Variants in CDYL observed in about 807,000 individuals in gnomAD.
CDYL encodes the protein chromodomain Y like.
Under a neutral mutation model 47.3 loss-of-function variants are expected in CDYL, and 8 were observed. The ratio of observed to expected loss-of-function variants is 0.17; its 90% confidence interval spans 0.10 to 0.31. The LOEUF (loss-of-function observed/expected upper bound fraction) is 0.31, where lower values mean the gene tolerates loss of function less well. Ranked by LOEUF, CDYL falls within the 10% of genes least tolerant of loss-of-function variation. CDYL has a pLI of 1.00. For missense variants in CDYL, 471 were observed against 701.4 expected (o/e 0.67, Z 3.71); for synonymous variants, 266 against 265.0 (o/e 1.00, Z -0.04).
intron 2 of CDYL, among the ~76,000 whole-genome samples, chr6:4,732,172 A>G (rs745778744): frequency 1.8e-4 from 27 of 152,090 alleles, no homozygotes; most frequent in Non-Finnish European, 2.8e-4. Flanking sequence ...CTGTCTCTAC[A>G]AAAAGTACAA....
intron 1 of CDYL, among the ~76,000 whole-genome samples, chr6:4,891,498 C>A (rs545114011): frequency 2.0e-5 from 3 of 152,222 alleles, no homozygotes; most frequent in African/African-American, 7.2e-5. Flanking sequence ...CATATCCACA[C>A]GTTCTCAGCA....
intron 3 of CDYL, among the ~76,000 whole-genome samples, chr6:4,746,405 A>G (rs1345358586): frequency 6.6e-6 from 1 of 151,904 alleles, no homozygotes; most frequent in Non-Finnish European, 1.5e-5. Context: ...AGGGTAGAGA[A>G]TGGTTTGAAA....
At chr6:4,809,716 C>T (rs7759768) in intron 1 of CDYL, among the ~76,000 whole-genome samples, 2,105 of 98,644 alleles carry the variant, frequency 0.021, no homozygotes, top group African/African-American at 0.12. Context: ...CTTGGCGATA[C>T]TTTGTATGGT....
At chr6:4,797,386 T>G (rs377336223) in intron 1 of CDYL, among the ~76,000 whole-genome samples, 2 of 152,150 alleles carry the variant, frequency 1.3e-5, no homozygotes, top group African/African-American at 4.8e-5. Flanking sequence ...CGTGGGCTGT[T>G]TTTTCTTCCT....
intron 2 of CDYL, among the ~76,000 whole-genome samples, chr6:4,916,405 G>A (rs952792419): frequency 6.6e-6 from 1 of 152,182 alleles, no homozygotes; most frequent in Non-Finnish European, 1.5e-5. Context: ...CTATGTACTT[G>A]TGGATAATTT....
At chr6:4,709,994 G>A (rs190351629) in intron 1 of CDYL, among the ~76,000 whole-genome samples, 1 of 152,234 alleles carries the variant, frequency 6.6e-6, no homozygotes, top group Non-Finnish European at 1.5e-5. Flanking sequence ...GCCGAGGCGG[G>A]CAGATTGTCT....
chr6:4,712,753 G>GAGCAA (rs1271154455), intron 1 of CDYL, among the ~76,000 whole-genome samples: 1 of 152,214 alleles, frequency 6.6e-6, no homozygotes, highest in Non-Finnish European at 1.5e-5. Flanking sequence ...CTGGATGAGA[G>GAGCAA]AGCAAAGCAA....
intron 1 of CDYL, among the ~76,000 whole-genome samples, chr6:4,713,899 AT>A (rs1378081521): frequency 1.3e-5 from 2 of 152,128 alleles, no homozygotes; most frequent in Non-Finnish European, 2.9e-5. Flanking sequence ...AGATTCATTT[AT>A]TTTGGCTTAA....
intron 1 of CDYL, among the ~76,000 whole-genome samples, chr6:4,830,286 A>G (rs6933079): frequency 0.034 from 5,184 of 152,338 alleles, 285 homozygotes; most frequent in African/African-American, 0.11. Context: ...CTAAATATTC[A>G]TCCTTATGCC....
intron 4 of CDYL, among the ~76,000 whole-genome samples, chr6:4,940,786 GC>G (rs1758340870): frequency 6.6e-6 from 1 of 152,236 alleles, no homozygotes; most frequent in African/African-American, 2.4e-5. Context: ...CCCAAGCAGT[GC>G]CCCAGGGGCA....
At chr6:4,822,929 T>C (rs894164029) in intron 1 of CDYL, among the ~76,000 whole-genome samples, 1 of 152,194 alleles carries the variant, frequency 6.6e-6, no homozygotes, top group Non-Finnish European at 1.5e-5. Context: ...TCAGGTGCTT[T>C]AAATGAACAA....
chr6:4,796,152 C>T (rs921108332), intron 1 of CDYL, among the ~76,000 whole-genome samples: 2 of 152,062 alleles, frequency 1.3e-5, no homozygotes, highest in Non-Finnish European at 2.9e-5. Flanking sequence ...AGGCTGGTCT[C>T]GAACTCGTGA....
chr6:4,788,493 A>AT (rs1395775594), intron 1 of CDYL, among the ~76,000 whole-genome samples: 8 of 150,852 alleles, frequency 5.3e-5, no homozygotes, highest in African/African-American at 1.9e-4. Flanking sequence ...AAAAAAAAAA[A>AT]AAAAAAAAAG....
At chr6:4,833,791 C>A (rs1485806907) in intron 1 of CDYL, among the ~76,000 whole-genome samples, 2 of 151,838 alleles carry the variant, frequency 1.3e-5, no homozygotes, top group Non-Finnish European at 2.9e-5. Flanking sequence ...GGATAGTTAG[C>A]TCTTCTTGTT....
Position 4,824,635 on chromosome 6 carries a change from A to G in CDYL, c.24+47828A>G, listed in dbSNP as rs192377712. Among the ~76,000 whole-genome samples the G allele has an allele frequency of 1.8e-3, 268 of 152,242 alleles. 1 individual carries two copies. Among genetic ancestry groups the G allele is most frequent in the Non-Finnish European group, 3.1e-3 (210 of 68,016 alleles). On this transcript the variant is annotated intron_variant, in intron 1 of 6. Coordinates refer to ENST00000397588, the MANE Select transcript of CDYL (RefSeq NM_004824.4). ...GGTTATTAAGCCCTTACCTTACCAG[A>G]TATGATTTGCAAATATTTTTATGTT...
chr6:4,870,773 A>T (rs576626322), intron 1 of CDYL, among the ~76,000 whole-genome samples: 1 of 152,054 alleles, frequency 6.6e-6, no homozygotes, highest in African/African-American at 2.4e-5. Flanking sequence ...TGCCATTTCA[A>T]ATCTACTGTT....
At chr6:4,889,568 T>C (rs1054833728) in intron 1 of CDYL, among the ~76,000 whole-genome samples, 27 of 152,194 alleles carry the variant, frequency 1.8e-4, no homozygotes, top group African/African-American at 6.5e-4. Context: ...TAATAATATT[T>C]TATGATGTGT....
At chr6:4,713,832 C>T (rs1757202532) in intron 1 of CDYL, among the ~76,000 whole-genome samples, 1 of 152,184 alleles carries the variant, frequency 6.6e-6, no homozygotes, top group South Asian at 2.1e-4. Flanking sequence ...CAGTGATCTG[C>T]CTGCCTCGGC....
At chr6:4,825,768 C>T (rs1759964206) in intron 1 of CDYL, among the ~76,000 whole-genome samples, 1 of 151,246 alleles carries the variant, frequency 6.6e-6, no homozygotes, top group Non-Finnish European at 1.5e-5. Context: ...CCATATTTGC[C>T]TATTTGCTAA....
Sources: allele counts gnomAD v4.1 joint callset (sites outside exome capture counted in the v4.1 genomes callset), GRCh38; gene constraint gnomAD v4.1.1; transcripts MANE v1.5; gene names NCBI Gene and HGNC (gene_info 2026-07-23, HGNC 2026-07-21).